DAB1: variants seen among roughly 807,000 people sequenced by gnomAD.
DAB1 encodes the protein DAB adaptor protein 1.
A neutral mutation model predicts 64.6 loss-of-function variants in DAB1; 15 were observed. The observed-to-expected ratio is 0.23, with a 90% CI of 0.16 to 0.36. The LOEUF (loss-of-function observed/expected upper bound fraction) is 0.36, where lower values mean the gene tolerates loss of function less well. Among genes scored for constraint, DAB1 ranks in the 10% least tolerant of loss-of-function variants. The probability of loss-of-function intolerance (pLI) is 1.00; values close to 1 mark genes in which losing one functional copy is unlikely to be tolerated. For missense variants in DAB1, 596 were observed against 706.7 expected, an observed-to-expected ratio of 0.84 and a Z score of 1.78; for synonymous variants, 235 against 251.9, an observed-to-expected ratio of 0.93 and a Z score of 0.64.
At chr1:57,568,741 C>T (rs1645154795) in intron 7 of DAB1, among the ~76,000 whole-genome samples, 1 of 152,082 alleles carries the variant, frequency 6.6e-6, no homozygotes, top group Non-Finnish European at 1.5e-5. Context: ...CCATCTCACA[C>T]CAGTTAGAAT....
intron 5 of DAB1, among the ~76,000 whole-genome samples, chr1:58,147,553 T>C (rs1239351441): frequency 6.7e-6 from 1 of 150,034 alleles, no homozygotes; most frequent in Non-Finnish European, 1.5e-5. Flanking sequence ...GAGGCGGAGC[T>C]TGCAGTGAGC....
intron 9 of DAB1, among the ~76,000 whole-genome samples, chr1:57,037,589 A>G (rs1647213750): frequency 6.6e-6 from 1 of 152,270 alleles, no homozygotes; most frequent in African/African-American, 2.4e-5. Context: ...GGTGGGTACT[A>G]TTAAGGACAC....
intron 6 of DAB1, among the ~76,000 whole-genome samples, chr1:57,771,468 T>A (rs2101830763): frequency 6.6e-6 from 1 of 152,266 alleles, no homozygotes; most frequent in South Asian, 2.1e-4. Flanking sequence ...TTAGCCCATG[T>A]TGTTCTATTT....
At chr1:57,731,300 T>C (rs1647401953) in intron 6 of DAB1, among the ~76,000 whole-genome samples, 1 of 152,012 alleles carries the variant, frequency 6.6e-6, no homozygotes. Flanking sequence ...AGTGGGATGG[T>C]GGTTTCCAGG....
intron 5 of DAB1, among the ~76,000 whole-genome samples, chr1:57,904,800 T>C (rs753588220): frequency 2.8e-4 from 42 of 152,110 alleles, no homozygotes; most frequent in Non-Finnish European, 4.7e-4. Flanking sequence ...GGGGAGAAAG[T>C]TGTACGGATG....
chr1:58,382,386 T>C (rs1418358578), intron 3 of DAB1, among the ~76,000 whole-genome samples: 1 of 152,202 alleles, frequency 6.6e-6, no homozygotes, highest in East Asian at 1.9e-4. Context: ...TCCACCTGAC[T>C]GTCAGAAGAC....
chr1:58,016,913 C>T (rs1322284188), intron 5 of DAB1, among the ~76,000 whole-genome samples: 3 of 152,114 alleles, frequency 2.0e-5, no homozygotes, highest in Non-Finnish European at 4.4e-5. Flanking sequence ...TACTTGCCAG[C>T]CTCTACACTA....
At chr1:58,433,114 C>G (rs188577714) in intron 3 of DAB1, among the ~76,000 whole-genome samples, 12 of 152,258 alleles carry the variant, frequency 7.9e-5, no homozygotes, top group South Asian at 2.1e-4. Context: ...CCACACCCCC[C>G]CTATTTCGTT....
At chr1:57,094,537 G>A (rs1653983484) in intron 4 of DAB1, among the ~76,000 whole-genome samples, 1 of 152,166 alleles carries the variant, frequency 6.6e-6, no homozygotes, top group South Asian at 2.1e-4. Context: ...GGGGGATTTG[G>A]GGATGCAGTA....
chr1:57,551,827 T>C (rs1245004230), intron 7 of DAB1, among the ~76,000 whole-genome samples: 3 of 152,078 alleles, frequency 2.0e-5, no homozygotes, highest in African/African-American at 4.8e-5. Flanking sequence ...AGAGGAGAGA[T>C]TGCAAGAAAC....
intron 1 of DAB1, among the ~76,000 whole-genome samples, chr1:57,355,096 A>T (rs1678963092): frequency 6.6e-6 from 1 of 152,124 alleles, no homozygotes; most frequent in Admixed American, 6.5e-5. Flanking sequence ...GTTCTTTTGC[A>T]TGATGCTTAA....
At chr1:57,707,271 C>A (rs1646979071) in intron 6 of DAB1, among the ~76,000 whole-genome samples, 1 of 151,916 alleles carries the variant, frequency 6.6e-6, no homozygotes, top group Admixed American at 6.6e-5. Context: ...CAGTATGTGA[C>A]CTTTAGGTAT....
At chr1:57,120,339 G>T (rs919068112) in intron 4 of DAB1, among the ~76,000 whole-genome samples, 3 of 152,120 alleles carry the variant, frequency 2.0e-5, no homozygotes, top group Non-Finnish European at 2.9e-5. Context: ...TACAAGGTAA[G>T]GGTTTAGTAC....
intron 4 of DAB1, among the ~76,000 whole-genome samples, chr1:58,246,633 T>C (rs917106566): frequency 2.6e-5 from 4 of 151,990 alleles, no homozygotes; most frequent in Non-Finnish European, 5.9e-5. Flanking sequence ...TAGGTGTGCA[T>C]GTGTGAGTAT....
At chr1:57,186,654 C>T (rs979430314) in intron 2 of DAB1, among the ~76,000 whole-genome samples, 23 of 152,156 alleles carry the variant, frequency 1.5e-4, no homozygotes, top group African/African-American at 4.8e-4. Flanking sequence ...GAAATGCACG[C>T]GTCAGCATTT....
chr1:57,048,153 G>A (rs775116907), intron 9 of DAB1, among the ~76,000 whole-genome samples: 10 of 152,126 alleles, frequency 6.6e-5, no homozygotes, highest in Non-Finnish European at 1.2e-4. Flanking sequence ...ACCCACCCAA[G>A]GTCCCACCGC....
intron 4 of DAB1, among the ~76,000 whole-genome samples, chr1:58,206,754 T>A (rs1334177010): frequency 6.6e-6 from 1 of 152,198 alleles, no homozygotes; most frequent in African/African-American, 2.4e-5. Flanking sequence ...TTGCTTTGCA[T>A]TTGGTTAGTA....
intron 3 of DAB1, among the ~76,000 whole-genome samples, chr1:58,499,780 ATTAG>A (rs3082758): frequency 0.12 from 17,591 of 151,906 alleles, 1,196 homozygotes; most frequent in African/African-American, 0.18. Context: ...AATTTTAAAA[ATTAG>A]TTAAAGTAAA....
chr1:58,258,766 T>G (rs1304262341), intron 4 of DAB1, among the ~76,000 whole-genome samples: 1 of 152,062 alleles, frequency 6.6e-6, no homozygotes, highest in African/African-American at 2.4e-5. Context: ...GCCAGGGATG[T>G]TTTCAATTAA....
Sources: allele counts gnomAD v4.1 joint callset (sites outside exome capture counted in the v4.1 genomes callset), GRCh38; gene constraint gnomAD v4.1.1; transcripts MANE v1.5; gene names NCBI Gene and HGNC (gene_info 2026-07-23, HGNC 2026-07-21).